Variants in AFF2 observed in about 807,000 individuals in gnomAD.
The protein encoded by AFF2 is AF4/FMR2 family member 2.
AFF2 carries 14 observed loss-of-function variants against 76.9 expected under a neutral mutation model. The ratio of observed to expected loss-of-function variants is 0.18; its 90% CI spans 0.12 to 0.28. The LOEUF is 0.28. AFF2 is among the 10% of genes least tolerant of loss of function. AFF2 has a pLI of 1.00. For missense variants in AFF2, 868 were observed against 1,001.1 expected (o/e 0.87, Z 1.79); for synonymous variants, 398 against 366.7 (o/e 1.09, Z -0.98).
Position 148,583,989 on chromosome X carries a change from G to A in AFF2, c.48-68010G>A, listed in dbSNP as rs189877679. Among the ~76,000 whole-genome samples the A allele has an allele frequency of 7.3e-4, 82 of 111,800 alleles. 1 individual carries two copies. Among genetic ancestry groups the A allele is most frequent in the Non-Finnish European group, 1.3e-3 (70 of 53,118 alleles). On this transcript the variant is annotated intron_variant, in intron 1 of 20. Transcript: ENST00000370460. ...AAATCACTTACATTAGCTCTTAGTCGCCTTACGCCTCCACCCCCACTGTGG... is the reference window on the plus strand; with the variant it reads ...AAATCACTTACATTAGCTCTTAGTCACCTTACGCCTCCACCCCCACTGTGG...
intron 1 of AFF2, among the ~76,000 whole-genome samples, chrX:148,646,505 C>G (rs1029110977): frequency 9.0e-6 from 1 of 111,576 alleles, no homozygotes; most frequent in Non-Finnish European, 1.9e-5. Context: ...CAAGATGCTC[C>G]TACATTGAAA....
chrX:148,813,626 G>T (rs1557271957), intron 4 of AFF2, among the ~76,000 whole-genome samples: 1 of 111,786 alleles, frequency 8.9e-6, no homozygotes, highest in African/African-American at 3.3e-5. Flanking sequence ...GTGAAAGTCA[G>T]AGAGGTGAAG....
chrX:148,986,153 G>A (rs1201603039), intron 19 of AFF2, among the ~76,000 whole-genome samples: 1 of 110,775 alleles, frequency 9.0e-6, no homozygotes, highest in Non-Finnish European at 1.9e-5. Flanking sequence ...GTGTGATAAG[G>A]TGTGTTCAGA....
rs782448163 is a variant in AFF2 at position 148,871,079 on chromosome X, G to T, written c.1263-14810G>T. On this transcript the variant is annotated intron_variant, in intron 7 of 20. Transcript: ENST00000370460. ...GTGTGTGTGTGGTTGTGGGGAGCGG[G>T]TGGGGGGCAGTGATGATGCCCTCTG... is the stretch of plus-strand genomic sequence containing the variant. 3.6e-5 allele frequency among the ~76,000 whole-genome samples: 4 copies of T among 111,422 alleles called. No homozygotes were observed. In the South Asian group the frequency reaches 1.5e-3, roughly 43 times the overall value.
At chrX:148,658,152 T>G (rs924918587) in intron 2 of AFF2, among the ~76,000 whole-genome samples, 1 of 111,885 alleles carries the variant, frequency 8.9e-6, no homozygotes, top group Non-Finnish European at 1.9e-5. Context: ...AGGCTCTGTG[T>G]CCATGTGTCC....
chrX:148,751,758 A>G (rs2055502050), intron 3 of AFF2, among the ~76,000 whole-genome samples: 1 of 111,808 alleles, frequency 8.9e-6, no homozygotes, highest in African/African-American at 3.3e-5. Context: ...GGCCTCATGG[A>G]TTCTGCCTAG....
chrX:148,737,791 C>T (rs1251298110), intron 3 of AFF2, among the ~76,000 whole-genome samples: 3 of 111,467 alleles, frequency 2.7e-5, no homozygotes, highest in Non-Finnish European at 5.7e-5. Context: ...AGGTATGTTC[C>T]TTGTATACCA....
At chrX:148,577,557 A>C (rs1191736274) in intron 1 of AFF2, among the ~76,000 whole-genome samples, 1 of 112,197 alleles carries the variant, frequency 8.9e-6, no homozygotes, top group African/African-American at 3.2e-5. Context: ...ATAACAGAAG[A>C]GTAAAAAGAA....
At chrX:148,714,207 C>A (rs1950271498) in intron 3 of AFF2, among the ~76,000 whole-genome samples, 1 of 112,036 alleles carries the variant, frequency 8.9e-6, no homozygotes, top group African/African-American at 3.2e-5. Flanking sequence ...CAGTTGTTGA[C>A]ATGTTGTATC....
intron 3 of AFF2, among the ~76,000 whole-genome samples, chrX:148,664,610 T>C (rs1169926017): frequency 8.9e-6 from 1 of 112,334 alleles, no homozygotes; most frequent in Non-Finnish European, 1.9e-5. Context: ...TTTAGTTATG[T>C]TTCTATCTCC....
intron 1 of AFF2, among the ~76,000 whole-genome samples, chrX:148,549,277 CAT>C (rs1372540420): frequency 4.5e-5 from 5 of 112,074 alleles, no homozygotes; most frequent in Admixed American, 9.4e-5. Context: ...ATTCTGAACA[CAT>C]ATTTGTAGAG....
At chrX:148,623,197 A>T (rs2053887346) in intron 1 of AFF2, among the ~76,000 whole-genome samples, 1 of 111,930 alleles carries the variant, frequency 8.9e-6, no homozygotes. Context: ...TAGTTTTCTC[A>T]TATGTAAATG....
intron 1 of AFF2, among the ~76,000 whole-genome samples, chrX:148,553,445 A>C (rs1401369025): frequency 4.4e-5 from 5 of 112,418 alleles, no homozygotes. Flanking sequence ...AGTCTTTGTT[A>C]CAAGCATATT....
intron 12 of AFF2, among the ~76,000 whole-genome samples, chrX:148,962,497 ACATATGTATG>A (rs782225391): frequency 8.9e-6 from 1 of 112,278 alleles, no homozygotes; most frequent in Non-Finnish European, 1.9e-5. Flanking sequence ...ATTCTTGGAT[ACATATGTATG>A]CATATATCTA....
chrX:148,714,449 A>G (rs781967555), intron 3 of AFF2, among the ~76,000 whole-genome samples: 25 of 110,719 alleles, frequency 2.3e-4, no homozygotes, highest in Non-Finnish European at 4.7e-4. Flanking sequence ...AAGATAGAAA[A>G]CTCTGAAACT....
At chrX:148,737,906 G>A (rs1557265255) in intron 3 of AFF2, among the ~76,000 whole-genome samples, 1 of 111,501 alleles carries the variant, frequency 9.0e-6, no homozygotes, top group Admixed American at 9.5e-5. Flanking sequence ...TTCTGTTTAT[G>A]TGGTTTGTCA....
intron 9 of AFF2, among the ~76,000 whole-genome samples, chrX:148,923,831 C>G (rs1569557147): frequency 9.0e-6 from 1 of 111,663 alleles, no homozygotes; most frequent in Non-Finnish European, 1.9e-5. Context: ...TGAATCCAAC[C>G]AAAAGCTTCT....
intron 3 of AFF2, among the ~76,000 whole-genome samples, chrX:148,741,744 A>G (rs782485885): frequency 2.7e-5 from 3 of 111,020 alleles, no homozygotes; most frequent in Non-Finnish European, 3.8e-5. Context: ...CCTCTGGCCA[A>G]TCTCTCAATG....
At chrX:148,507,108 T>C (rs782210493) in intron 1 of AFF2, among the ~76,000 whole-genome samples, 1 of 112,556 alleles carries the variant, frequency 8.9e-6, no homozygotes, top group Non-Finnish European at 1.9e-5. Context: ...TCAAAGACTG[T>C]TCCATGCAAA....
Sources: allele counts gnomAD v4.1 joint callset (sites outside exome capture counted in the v4.1 genomes callset), GRCh38; gene constraint gnomAD v4.1.1; transcripts MANE v1.5; gene names NCBI Gene and HGNC (gene_info 2026-07-23, HGNC 2026-07-21).